Variants in NECAB1 observed in about 807,000 individuals in gnomAD.
NECAB1 encodes the protein N-terminal EF-hand calcium binding protein 1.
A neutral mutation model predicts 57.5 loss-of-function variants in NECAB1; 29 were observed. That is an observed-to-expected ratio of 0.50 (90% CI 0.38 to 0.69). NECAB1 has a LOEUF of 0.69. Among genes scored for constraint, NECAB1 ranks in the 30% least tolerant of loss-of-function variants. NECAB1 has a pLI of 0.00. For missense variants in NECAB1, 372 were observed against 413.8 expected, an observed-to-expected ratio of 0.90 and a Z score of 0.88; for synonymous variants, 142 against 147.7, an observed-to-expected ratio of 0.96 and a Z score of 0.28.
intron 10 of NECAB1, among the ~76,000 whole-genome samples, chr8:90,943,786 C>G (rs1810730820): frequency 6.6e-6 from 1 of 152,202 alleles, no homozygotes; most frequent in African/African-American, 2.4e-5. Context: ...GGATCTTGCT[C>G]TGTTGCCCAG....
At chr8:90,858,254 G>A (rs1812830259) in intron 3 of NECAB1, among the ~76,000 whole-genome samples, 1 of 152,144 alleles carries the variant, frequency 6.6e-6, no homozygotes, top group East Asian at 1.9e-4. Flanking sequence ...TTTAAATAAA[G>A]ACACTGAAGC....
intron 10 of NECAB1, among the ~76,000 whole-genome samples, chr8:90,946,983 C>T (rs546860180): frequency 6.6e-6 from 1 of 152,208 alleles, no homozygotes; most frequent in East Asian, 1.9e-4. Flanking sequence ...ACAGTGTAGC[C>T]ACATGACCCC....
intron 1 of NECAB1, among the ~76,000 whole-genome samples, chr8:90,796,828 C>T (rs1811668722): frequency 6.6e-6 from 1 of 152,128 alleles, no homozygotes. Flanking sequence ...CAGTTCTGTT[C>T]ATATTTAATT....
intron 3 of NECAB1, among the ~76,000 whole-genome samples, chr8:90,839,955 C>T (rs1812429258): frequency 6.6e-6 from 1 of 152,126 alleles, no homozygotes; most frequent in Non-Finnish European, 1.5e-5. Context: ...GACAGCAAAA[C>T]CAGGTAAGAG....
At chr8:90,922,284 A>G (rs1485273947) in intron 6 of NECAB1, among the ~76,000 whole-genome samples, 1 of 152,150 alleles carries the variant, frequency 6.6e-6, no homozygotes, top group Non-Finnish European at 1.5e-5. Flanking sequence ...TTCTATATCC[A>G]GGAACGTAAT....
At chr8:90,913,427 T>C (rs901744270) in intron 5 of NECAB1, among the ~76,000 whole-genome samples, 5 of 152,128 alleles carry the variant, frequency 3.3e-5, no homozygotes, top group South Asian at 2.1e-4. Context: ...ACTTTTACTT[T>C]CCCATATTCT....
chr8:90,822,285 A>C (rs999755853), intron 2 of NECAB1, among the ~76,000 whole-genome samples: 5 of 151,968 alleles, frequency 3.3e-5, no homozygotes, highest in Admixed American at 3.3e-4. Flanking sequence ...ATACAGAATC[A>C]TACTACAAGG....
chr8:90,838,857 C>G (rs1812411676), intron 3 of NECAB1, among the ~76,000 whole-genome samples: 1 of 152,154 alleles, frequency 6.6e-6, no homozygotes, highest in African/African-American at 2.4e-5. Context: ...TTTCCAAACC[C>G]ATGTCAGAAA....
At position 90,958,604 on chromosome 8, in the gene NECAB1, C is replaced by T. The variant is rs569014235; in HGVS notation, c.*3092C>T. ...GTGGGAAGCAGAACAACAGAAGGAA[C>T]TTTAAAAGCAACAAGCAATTATGTA... On this transcript the variant is annotated 3_prime_UTR_variant, in exon 13 of 13. Coordinates refer to ENST00000417640, the MANE Select transcript of NECAB1 (RefSeq NM_022351.5). The T allele has an allele frequency of 5.9e-6, 1 of 169,558 alleles. No homozygotes were observed. The highest frequency in any genetic ancestry group is 1.5e-4 in the South Asian group (1 of 6,768). The allele number at this position is 169,558 out of a possible 1,614,324, so 10.5% of individuals were successfully genotyped here.
Position 90,931,856 on chromosome 8 carries a change from A to C in NECAB1, c.694-2448A>C, listed in dbSNP as rs557113792. On this transcript the variant is annotated intron_variant, in intron 8 of 12. Transcript: ENST00000417640. ...GAGGGAGAGGTGGCAGTGAGCCGAG[A>C]TCGTGCCACTTCACTCCAGCCTGAG... 2.6e-5 allele frequency among the ~76,000 whole-genome samples: 4 copies of C among 152,316 alleles called. No individual in the cohort carries two copies. The East Asian group carries it at 7.7e-4, about 29-fold the overall frequency.
intron 4 of NECAB1, 74 bp from the exon 5 acceptor site, chr8:90,880,959 T>G (rs1808824971): frequency 9.3e-7 from 1 of 1,072,990 alleles, no homozygotes; most frequent in Non-Finnish European, 1.4e-6. Context: ...AAGGAGTAAA[T>G]AATTAGTTGA....
intron 3 of NECAB1, among the ~76,000 whole-genome samples, chr8:90,845,189 C>T (rs1289461032): frequency 6.6e-6 from 1 of 152,168 alleles, no homozygotes; most frequent in Non-Finnish European, 1.5e-5. Flanking sequence ...ATCCAAAACA[C>T]CTTCACTGAA....
Position 90,891,926 on chromosome 8 carries a change from T to C in NECAB1, c.357+10796T>C, listed in dbSNP as rs1809185093. ...CCAGGCTGGTCTCGAACTTCTGGGCTCAAGCAATCCAGCTGCCTTGGCCTC... is the reference window on the plus strand; with the variant it reads ...CCAGGCTGGTCTCGAACTTCTGGGCCCAAGCAATCCAGCTGCCTTGGCCTC... On this transcript the variant is annotated intron_variant, in intron 5 of 12. Transcript: ENST00000417640. Among the ~76,000 whole-genome samples, 2 of 152,112 alleles carry C rather than the reference T, an allele frequency of 1.3e-5. 1 individual carries two copies. Among genetic ancestry groups the C allele is most frequent in the Admixed American group, 1.3e-4 (2 of 15,262 alleles).
chr8:90,834,092 G>A (rs561655421), intron 3 of NECAB1, among the ~76,000 whole-genome samples: 19 of 149,704 alleles, frequency 1.3e-4, no homozygotes, highest in African/African-American at 4.2e-4. Flanking sequence ...GAACCCAGCA[G>A]GTGGCGGTTG....
intron 9 of NECAB1, among the ~76,000 whole-genome samples, chr8:90,935,630 C>T (rs949240049): frequency 2.0e-5 from 3 of 152,024 alleles, no homozygotes; most frequent in African/African-American, 4.8e-5. Context: ...AAACTATACT[C>T]CAGACAAAGG....
rs1285654994 is a variant in NECAB1, at chr8:90,805,004, A to G, written c.124+3289A>G. ...TAATATCATCTCTATTGCTACTGAA[A>G]GCTTGAGCTGTTTTTTCTTCTGTGA... On this transcript the variant is annotated intron_variant, in intron 2 of 12. Coordinates refer to ENST00000417640, the MANE Select transcript of NECAB1 (RefSeq NM_022351.5). 5.3e-5 allele frequency among the ~76,000 whole-genome samples: 8 copies of G among 152,222 alleles called. 1 individual carries two copies.
intron 7 of NECAB1, among the ~76,000 whole-genome samples, chr8:90,927,241 G>A (rs1317468969): frequency 9.0e-6 from 1 of 111,074 alleles, no homozygotes; most frequent in East Asian, 2.7e-4. Context: ...TTGTGGCAGT[G>A]CCAGTGCTCA....
In NECAB1 at chr8:90,940,881, C is replaced by A; in HGVS notation, c.843C>A (p.Ser281=). ...AACACTACGTGGAGAGTGCTTCCTC[C>A]CAAAGTGGATGCTTGCGGTAAGTGC... ...ALKHYVESAS[S]QSGCLRISIQ... is the part of the protein sequence containing the mutation. The change falls in exon 10 of 13, where the codon TCC becomes TCA. Residue 281 remains serine, a synonymous_variant. Transcript: ENST00000417640. 6.4e-7 allele frequency: 1 copy of A among 1,559,150 alleles called. No homozygotes were observed. Among genetic ancestry groups the A allele is most frequent in the South Asian group, 1.2e-5 (1 of 84,356 alleles).
At chr8:90,794,764 A>T (rs1476902920) in intron 1 of NECAB1, among the ~76,000 whole-genome samples, 1 of 152,236 alleles carries the variant, frequency 6.6e-6, no homozygotes, top group Non-Finnish European at 1.5e-5. Flanking sequence ...CATAAATTTG[A>T]AGTATTATGG....
Sources: gnomAD v4.1 joint callset for allele counts (sites outside exome capture counted in the v4.1 genomes callset) on GRCh38, gnomAD v4.1.1 for gene constraint, MANE v1.5 for transcripts, NCBI Gene and HGNC (gene_info 2026-07-23, HGNC 2026-07-21) for gene names.